SRGAP1: variants seen among roughly 807,000 people sequenced by gnomAD.
SRGAP1 encodes the protein SLIT-ROBO Rho GTPase activating protein 1, also known as SLIT-ROBO Rho GTPase-activating protein 1.
In SRGAP1, 43 loss-of-function variants were observed where a neutral mutation model predicts 121.9. That is an observed-to-expected ratio of 0.35 (90% CI 0.28 to 0.46). The LOEUF (loss-of-function observed/expected upper bound fraction) is 0.46. Ranked by LOEUF, SRGAP1 falls within the 20% of genes least tolerant of loss-of-function variation. SRGAP1 has a pLI of 1.00. For synonymous variants in SRGAP1, 447 were observed against 485.4 expected (o/e 0.92, Z 1.04); for missense variants, 1,102 against 1,350.9 (o/e 0.82, Z 2.89).
intron 1 of SRGAP1, among the ~76,000 whole-genome samples, chr12:63,875,437 G>A (rs1344647535): frequency 6.6e-6 from 1 of 152,170 alleles, no homozygotes; most frequent in Non-Finnish European, 1.5e-5. Context: ...TCTTATGAAT[G>A]CTGAAATGTA....
At chr12:64,033,415 C>T (rs1309102292) in intron 4 of SRGAP1, among the ~76,000 whole-genome samples, 1 of 152,110 alleles carries the variant, frequency 6.6e-6, no homozygotes, top group Non-Finnish European at 1.5e-5. Flanking sequence ...GGTCTATTTG[C>T]TCATTCTAAA....
chr12:64,041,095 A>T, intron 4 of SRGAP1, among the ~76,000 whole-genome samples: 1 of 152,244 alleles, frequency 6.6e-6, no homozygotes, highest in Middle Eastern at 3.4e-3. Flanking sequence ...TAAGAGAATA[A>T]ATTAGATATA....
chr12:64,082,001 C>CTTTTTTTTTTTTTTTTTT lies in SRGAP1; in HGVS notation c.1408+1635_1408+1652dup. 24 of 66,124 alleles carry CTTTTTTTTTTTTTTTTTT rather than the reference C, an allele frequency of 3.6e-4. 3 individuals carry two copies. The highest frequency in any genetic ancestry group is 9.7e-4 in the African/African-American group (15 of 15,458). The allele number at this position is 66,124 out of a possible 1,614,324, so 4.1% of individuals were successfully genotyped here. A position where few individuals can be genotyped will look rare whatever the true frequency, so the allele number is the denominator to read the frequency against. On this transcript the variant is annotated intron_variant, in intron 10 of 21. Coordinates refer to ENST00000355086, the MANE Select transcript of SRGAP1 (RefSeq NM_020762.4). ...TTTCCCTCACAGTGTCATGTAAGGT[C>CTTTTTTTTTTTTTTTTTT]TTTTTTTTTTTTTTTTTTTTTCAAT...
intron 18 of SRGAP1, among the ~76,000 whole-genome samples, chr12:64,122,241 A>G (rs1453376374): frequency 6.6e-6 from 1 of 152,220 alleles, no homozygotes; most frequent in African/African-American, 2.4e-5. Context: ...CTAAGTGATC[A>G]TGTTGCACTC....
chr12:63,844,950 G>A lies in SRGAP1; in HGVS notation c.67+67G>A, dbSNP rs550385957. 2.7e-6 allele frequency: 4 copies of A among 1,485,526 alleles called. No individual in the cohort carries two copies. Among genetic ancestry groups the A allele is most frequent in the Non-Finnish European group, 3.8e-6 (4 of 1,063,066 alleles). The allele number at this position is 1,485,526 out of a possible 1,614,324, so 92.0% of individuals were successfully genotyped here. On this transcript the variant is annotated intron_variant, in intron 1 of 21. Coordinates refer to ENST00000355086, the MANE Select transcript of SRGAP1 (RefSeq NM_020762.4). This position sits in a 1 kb window ranked among gnomAD's most constrained non-coding sequence, Gnocchi z 4.3. ...CTTGTCATTGTGCTCGTGGAGTTGC[G>A]TATCTAACTTGGTGTCTGCGTGGGA... is the stretch of plus-strand genomic sequence containing the variant.
At position 63,982,321 on chromosome 12, in the gene SRGAP1, A is replaced by G. The variant is rs540375494; in HGVS notation, c.68-1626A>G. On this transcript the variant is annotated intron_variant, in intron 1 of 21. Coordinates refer to ENST00000355086, the MANE Select transcript of SRGAP1 (RefSeq NM_020762.4). ...AGGGTCAAAAGTCTCCAGGGGTACC[A>G]GTTACTGGCTAAAATCCTTAGATAA... Among the ~76,000 whole-genome samples, 7 of 152,304 alleles carry G rather than the reference A, an allele frequency of 4.6e-5. No homozygotes were observed. In the South Asian group the frequency reaches 1.2e-3, roughly 27 times the overall value.
Position 64,086,984 on chromosome 12 carries a change from AT to A in SRGAP1, c.1409-8del. The A allele has an allele frequency of 1.3e-6, 2 of 1,591,128 alleles. No homozygotes were observed. The highest frequency in any genetic ancestry group is 1.1e-5 in the South Asian group (1 of 88,438). On this transcript the variant is annotated splice_polypyrimidine_tract_variant and intron_variant, in intron 10 of 21. Coordinates refer to ENST00000355086, the MANE Select transcript of SRGAP1 (RefSeq NM_020762.4). ...ATTCCTTTCAGTTTACTTACTTTAA[AT>A]TTTTTTCCTGCAGGTCATAGAGCTG... is the stretch of plus-strand genomic sequence containing the variant.
intron 1 of SRGAP1, among the ~76,000 whole-genome samples, chr12:63,904,556 G>A (rs2030106293): frequency 6.6e-6 from 1 of 152,124 alleles, no homozygotes; most frequent in African/African-American, 2.4e-5. Context: ...ATGTGTCCTG[G>A]TAAGCTTTAC....
chr12:64,002,249 A>G (rs1004573341), intron 3 of SRGAP1, among the ~76,000 whole-genome samples: 5 of 152,234 alleles, frequency 3.3e-5, no homozygotes, highest in African/African-American at 1.2e-4. Flanking sequence ...AGACAATCCC[A>G]AAATGGCAAC....
At chr12:63,898,004 C>T (rs1900809597) in intron 1 of SRGAP1, among the ~76,000 whole-genome samples, 1 of 152,090 alleles carries the variant, frequency 6.6e-6, no homozygotes, top group African/African-American at 2.4e-5. Flanking sequence ...TGTCTCACAC[C>T]CTTGGCACAG....
intron 1 of SRGAP1, among the ~76,000 whole-genome samples, chr12:63,921,209 A>G (rs781430366): frequency 9.2e-5 from 14 of 152,200 alleles, no homozygotes; most frequent in Non-Finnish European, 1.8e-4. Flanking sequence ...CTCCATCGTG[A>G]TCACTCTAAT....
At chr12:64,019,718 G>A (rs1329645983) in intron 4 of SRGAP1, among the ~76,000 whole-genome samples, 1 of 152,188 alleles carries the variant, frequency 6.6e-6, no homozygotes, top group Non-Finnish European at 1.5e-5. Flanking sequence ...AAAGAGGCAA[G>A]ATGAGGCATA....
intron 3 of SRGAP1, among the ~76,000 whole-genome samples, chr12:63,995,880 A>G (rs1019733608): frequency 5.3e-5 from 8 of 152,284 alleles, no homozygotes; most frequent in African/African-American, 1.9e-4. Context: ...AACATGAAAA[A>G]AAAAGCAAAG....
chr12:64,002,997 G>A (rs2033947496), intron 3 of SRGAP1, among the ~76,000 whole-genome samples: 1 of 145,898 alleles, frequency 6.9e-6, no homozygotes, highest in African/African-American at 2.6e-5. Context: ...ATCTAACAAA[G>A]ATCTTGGGGG....
At chr12:64,024,129 G>A (rs186714639) in intron 4 of SRGAP1, among the ~76,000 whole-genome samples, 28 of 152,232 alleles carry the variant, frequency 1.8e-4, no homozygotes, top group Admixed American at 8.5e-4. Flanking sequence ...TCGTGTAATC[G>A]GCTTTCATAT....
chr12:63,938,348 C>T (rs1426493332), intron 1 of SRGAP1, among the ~76,000 whole-genome samples: 4 of 152,118 alleles, frequency 2.6e-5, no homozygotes, highest in East Asian at 1.9e-4. Flanking sequence ...GAGCAGATGC[C>T]GCCCTGGTTC....
In SRGAP1 at chr12:63,940,904, G is replaced by A. The variant is rs533762761; in HGVS notation, c.68-43043G>A. ...GGAGGCCGCCTAAAAACAACTAGCC[G>A]CTTATCATTGCCACAGTTGTACATT... is the stretch of plus-strand genomic sequence containing the variant. On this transcript the variant is annotated intron_variant, in intron 1 of 21. Transcript: ENST00000355086. Among the ~76,000 whole-genome samples the A allele has an allele frequency of 5.1e-4, 78 of 152,158 alleles. 1 individual carries two copies. Among genetic ancestry groups the A allele is most frequent in the Admixed American group, 4.2e-3 (64 of 15,270 alleles).
intron 1 of SRGAP1, among the ~76,000 whole-genome samples, chr12:63,961,213 G>C (rs1416746853): frequency 4.6e-5 from 7 of 152,162 alleles, no homozygotes; most frequent in Non-Finnish European, 1.0e-4. Context: ...GCCACACGCA[G>C]CCAGAGCCTA....
At chr12:63,914,017 A>C (rs2030670202) in intron 1 of SRGAP1, among the ~76,000 whole-genome samples, 1 of 152,192 alleles carries the variant, frequency 6.6e-6, no homozygotes, top group South Asian at 2.1e-4. Flanking sequence ...TAAGTACCTA[A>C]GGGCAAAGTC....
Sources: allele counts gnomAD v4.1 joint callset (sites outside exome capture counted in the v4.1 genomes callset), GRCh38; gene constraint gnomAD v4.1.1; non-coding constraint Gnocchi (gnomAD v3.1); transcripts MANE v1.5; gene names NCBI Gene and HGNC (gene_info 2026-07-23, HGNC 2026-07-21).